The following CCDC127 variants were observed in gnomAD, a reference collection of about 807,000 sequenced individuals.
CCDC127 encodes the protein coiled-coil domain-containing protein 127.
Under a neutral mutation model 4.1 loss-of-function variants are expected in CCDC127, and 2 were observed. The ratio of observed to expected loss-of-function variants is 0.49; its 90% CI spans 0.20 to 1.53. The LOEUF is 1.53. Ranked by LOEUF, CCDC127 falls within the 40% of genes most tolerant of loss-of-function variation. CCDC127 has a pLI of 0.23. For missense variants in CCDC127, 271 were observed against 322.9 expected, an observed-to-expected ratio of 0.84 and a Z score of 1.23; for synonymous variants, 98 against 120.4, an observed-to-expected ratio of 0.81 and a Z score of 1.22.
Position 208,613 on chromosome 5 carries a change from C to A in CCDC127, c.122-2655G>T, listed in dbSNP as rs574014233. Among the ~76,000 whole-genome samples the A allele has an allele frequency of 2.6e-5, 4 of 152,300 alleles. No individual in the cohort carries two copies. In the East Asian group the frequency reaches 7.7e-4, roughly 29 times the overall value. On this transcript the variant is annotated intron_variant, in intron 2 of 2. Coordinates refer to ENST00000296824, the MANE Select transcript of CCDC127 (RefSeq NM_145265.3). ...GCCATGTGGGGAGCAGTGCTGAGGC[C>A]TTCCCAGCCGGGGGGCACCAGTAGA...
At chr5:215,961 A>G (rs1185922611) in intron 2 of CCDC127, 3 of 127,414 alleles carry the variant, frequency 2.4e-5, no homozygotes, top group African/African-American at 8.0e-5. Flanking sequence ...TCTAAACTAG[A>G]GAGAATTTTT....
At chr5:212,338 C>G (rs1409896829) in intron 2 of CCDC127, among the ~76,000 whole-genome samples, 1 of 39,228 alleles carries the variant, frequency 2.5e-5, no homozygotes, top group Non-Finnish European at 4.8e-5. Context: ...ATGGGGCAGA[C>G]GGGACAGCAA....
chr5:205,349 A>G lies in CCDC127; in HGVS notation c.731T>C (p.Val244Ala). 3 of 1,613,930 alleles carry G rather than the reference A, an allele frequency of 1.9e-6. No homozygotes were observed. Among genetic ancestry groups the G allele is most frequent in the Non-Finnish European group, 2.5e-6 (3 of 1,179,916 alleles). ...MWLYLKYWELVVELKKFKRVE... is the reference protein window; with the variant it reads ...MWLYLKYWELAVELKKFKRVE... ...TCTCTTAAACTTCTTCAGTTCGACA[A>G]CGAGTTCCCAGTATTTGAGATAGAG... The change falls in exon 3 of 3, where the codon GTT (valine) becomes GCT (alanine). Residue 244 changes from valine (V) to alanine (A), a missense_variant. Val to Ala is a moderately conservative substitution (Grantham distance 64). Transcript: ENST00000296824.
chr5:217,141 AAG>A, intron 1 of CCDC127: 1 of 236,206 alleles, frequency 4.2e-6, no homozygotes. Flanking sequence ...CCCAAAAAAA[AAG>A]AAAAAGAAAA....
chr5:207,007 C>T (rs1002610851), intron 2 of CCDC127, among the ~76,000 whole-genome samples: 7 of 152,296 alleles, frequency 4.6e-5, no homozygotes, highest in African/African-American at 1.7e-4. Flanking sequence ...TTTCTATCAA[C>T]TTTAATGGTT....
chr5:207,451 G>A (rs535128365), intron 2 of CCDC127, among the ~76,000 whole-genome samples: 4 of 152,318 alleles, frequency 2.6e-5, no homozygotes, highest in African/African-American at 7.2e-5. Context: ...GGGAAGGCTC[G>A]TCTGGTTTTG....
chr5:214,405 T>C (rs189349733), intron 2 of CCDC127: 2 of 152,304 alleles, frequency 1.3e-5, no homozygotes, highest in East Asian at 1.9e-4. Flanking sequence ...GAAACTGAGT[T>C]GGGCCCAGTG....
At position 201,389 on chromosome 5, in the gene CCDC127, C is replaced by T. The variant is rs190035737; in HGVS notation, c.*3908G>A. Reference sequence around the variant, plus strand: ...TAAACAATCCAACACAGAAATAGTCCGTTACACATTTTAATTAGACATAAC... The same window carrying T: ...TAAACAATCCAACACAGAAATAGTCTGTTACACATTTTAATTAGACATAAC... On this transcript the variant is annotated 3_prime_UTR_variant, in exon 3 of 3. Transcript: ENST00000296824. The T allele has an allele frequency of 2.0e-5, 3 of 152,250 alleles. No homozygotes were observed. Among genetic ancestry groups the T allele is most frequent in the East Asian group, 3.9e-4 (2 of 5,188 alleles). The allele number at this position is 152,250 out of a possible 1,614,324, so 9.4% of individuals were successfully genotyped here.
Position 205,422 on chromosome 5 carries a change from C to G in CCDC127, c.658G>C (p.Gly220Arg). The G allele has an allele frequency of 6.2e-7, 1 of 1,614,210 alleles. No individual in the cohort carries two copies. Among genetic ancestry groups the G allele is most frequent in the Non-Finnish European group, 8.5e-7 (1 of 1,180,050 alleles). Residue 220 changes from glycine (G) to arginine (R), a missense_variant, in exon 3 of 3, where the codon GGT (glycine) becomes CGT (arginine). Around this residue, in one of 2 missense-constraint regions of CCDC127, gnomAD observed 265 missense variants for 270.9 expected, o/e 0.98. Coordinates refer to ENST00000296824, the MANE Select transcript of CCDC127 (RefSeq NM_145265.3). ...CGTTTGTTGGTGTTCCAGACATCAC[C>G]ACAGTATGTATCATGCTGAAATATG... Reference protein sequence around the residue: ...TDIFQHDTYCGDVWNTNKRQN... With the variant: ...TDIFQHDTYCRDVWNTNKRQN...
chr5:205,331 A>C lies in CCDC127; in HGVS notation c.749T>G (p.Phe250Cys). The C allele has an allele frequency of 6.2e-7, 1 of 1,613,496 alleles. No individual in the cohort carries two copies. The highest frequency in any genetic ancestry group is 8.5e-7 in the Non-Finnish European group (1 of 1,179,712). ...TAGTATGGCTTCCTCTACTCTCTTA[A>C]ACTTCTTCAGTTCGACAACGAGTTC... ...YWELVVELKK[F>C]KRVEEAILEK is the part of the protein sequence containing the mutation. The change falls in exon 3 of 3, where the codon TTT becomes TGT. Residue 250 changes from phenylalanine (F) to cysteine (C), a missense_variant. Phe to Cys is a radical substitution (Grantham distance 205, BLOSUM62 -2). Transcript: ENST00000296824.
rs1466244214 is a variant in CCDC127, at chr5:200,154, C to T, written c.*5143G>A. 2 of 152,208 alleles carry T rather than the reference C, an allele frequency of 1.3e-5. No individual in the cohort carries two copies. The highest frequency in any genetic ancestry group is 3.9e-4 in the East Asian group (2 of 5,192). The allele number at this position is 152,208 out of a possible 1,614,324, so 9.4% of individuals were successfully genotyped here. ...AGAGCCACATTCAGGCTCATCTGGT[C>T]CCGCTACCCGACAGCAAGACCCTCA... On this transcript the variant is annotated 3_prime_UTR_variant, in exon 3 of 3. Coordinates refer to ENST00000296824, the MANE Select transcript of CCDC127 (RefSeq NM_145265.3).
At chr5:215,714 G>C (rs1734367406) in intron 2 of CCDC127, 1 of 152,178 alleles carries the variant, frequency 6.6e-6, no homozygotes, top group Non-Finnish European at 1.5e-5. Flanking sequence ...CAAAACTTCT[G>C]ACCTGAGACA....
chr5:208,837 G>A (rs547122127), intron 2 of CCDC127, among the ~76,000 whole-genome samples: 40 of 152,332 alleles, frequency 2.6e-4, no homozygotes, highest in South Asian at 1.7e-3. Flanking sequence ...TGCCCCAAAT[G>A]CGCAGGTTCA....
Position 201,359 on chromosome 5 carries a change from C to G in CCDC127, c.*3938G>C, listed in dbSNP as rs970109957. The G allele has an allele frequency of 1.1e-4, 17 of 152,220 alleles. No homozygotes were observed. The highest frequency in any genetic ancestry group is 3.9e-4 in the African/African-American group (16 of 41,458). The allele number at this position is 152,220 out of a possible 1,614,324, so 9.4% of individuals were successfully genotyped here. ...ATCTTAGTACACTATGAAGCAATCA[C>G]TTTTTAAACAATCCAACACAGAAAT... is the stretch of plus-strand genomic sequence containing the variant. On this transcript the variant is annotated 3_prime_UTR_variant, in exon 3 of 3. Transcript: ENST00000296824.
rs1306558353 is a variant in CCDC127 at position 204,550 on chromosome 5, T to A, written c.*747A>T. 6.6e-6 allele frequency: 1 copy of A among 152,350 alleles called. No homozygotes were observed. Among genetic ancestry groups the A allele is most frequent in the Middle Eastern group, 3.4e-3 (1 of 294 alleles). The allele number at this position is 152,350 out of a possible 1,614,324, so 9.4% of individuals were successfully genotyped here. A position where few individuals can be genotyped will look rare whatever the true frequency, so the allele number is the denominator to read the frequency against. ...TCATAAATGGCAAGTATTTTGAGTATATATCATTGCTAATAAGTATCTGCT... is the reference window on the plus strand; with the variant it reads ...TCATAAATGGCAAGTATTTTGAGTAAATATCATTGCTAATAAGTATCTGCT... On this transcript the variant is annotated 3_prime_UTR_variant, in exon 3 of 3. Transcript: ENST00000296824.
In CCDC127 at chr5:198,723, C is replaced by A. The variant is rs373804108; in HGVS notation, c.*6574G>T. 1 of 152,446 alleles carries A rather than the reference C, an allele frequency of 6.6e-6. No homozygotes were observed. The highest frequency in any genetic ancestry group is 2.4e-5 in the African/African-American group (1 of 41,598). The allele number at this position is 152,446 out of a possible 1,614,324, so 9.4% of individuals were successfully genotyped here. A position where few individuals can be genotyped will look rare whatever the true frequency, so the allele number is the denominator to read the frequency against. ...CCATCCTGCATGGCCGTTCACCATT[C>A]GCTGGGTCTTTGTCCTCGCCCAATC... On this transcript the variant is annotated 3_prime_UTR_variant, in exon 3 of 3. Transcript: ENST00000296824.
chr5:218,139 C>T lies in CCDC127; in HGVS notation c.-57G>A, dbSNP rs1734472817. 1.6e-6 allele frequency: 2 copies of T among 1,237,700 alleles called. No individual in the cohort carries two copies. The highest frequency in any genetic ancestry group is 2.0e-6 in the Non-Finnish European group (2 of 988,930). The allele number at this position is 1,237,700 out of a possible 1,614,324, so 76.7% of individuals were successfully genotyped here. ...CTCAGCGTTCCCTTAACGCCACCGT[C>T]CGCGGGTCCGCTTTGCGCAGGCGCG... On this transcript the variant is annotated 5_prime_UTR_variant, in exon 1 of 3. Coordinates refer to ENST00000296824, the MANE Select transcript of CCDC127 (RefSeq NM_145265.3).
rs552056612 is a variant in CCDC127, at chr5:214,369, C to T, written c.121+2360G>A. On this transcript the variant is annotated intron_variant, in intron 2 of 2. Coordinates refer to ENST00000296824, the MANE Select transcript of CCDC127 (RefSeq NM_145265.3). Reference sequence around the variant, plus strand: ...TGACAACTGCATGTGATTTACATGACCCCAAAATAAAATATTTAATTAAAA... The same window carrying T: ...TGACAACTGCATGTGATTTACATGATCCCAAAATAAAATATTTAATTAAAA... 3 of 152,220 alleles carry T rather than the reference C, an allele frequency of 2.0e-5. No homozygotes were observed. In the South Asian group the frequency reaches 6.2e-4, roughly 32 times the overall value. 9.4% of individuals were successfully genotyped at this position (152,220 alleles called of 1,614,324 possible). A position where few individuals can be genotyped will look rare whatever the true frequency, so the allele number is the denominator to read the frequency against.
Position 205,492 on chromosome 5 carries a change from G to A in CCDC127, c.588C>T (p.Val196=), listed in dbSNP as rs373360597. ...IEKSLLVRAS[V]DPVAADLEMA... ...TCTCTAGGTCAGCGGCGACGGGGTC[G>A]ACGGACGCTCGCACCAGTAAGCTCT... Residue 196 remains valine (V), a synonymous_variant, in exon 3 of 3, where the codon GTC becomes GTT. Transcript: ENST00000296824. The A allele has an allele frequency of 4.3e-6, 7 of 1,613,848 alleles. No homozygotes were observed. The highest frequency in any genetic ancestry group is 4.5e-5 in the East Asian group (2 of 44,894).
Sources: gnomAD v4.1 joint callset for allele counts (sites outside exome capture counted in the v4.1 genomes callset) on GRCh38, gnomAD v4.1.1 for gene constraint, gnomAD v4.1.1 regional missense constraint, MANE v1.5 for transcripts, NCBI Gene and HGNC (gene_info 2026-07-23, HGNC 2026-07-21) for gene names.